NUP98: variants seen among roughly 807,000 people sequenced by gnomAD.
The protein encoded by NUP98 is nuclear pore complex protein Nup98-Nup96.
In NUP98, 26 loss-of-function variants were observed where a neutral mutation model predicts 191.9. The observed-to-expected ratio is 0.14, with a 90% confidence interval of 0.10 to 0.19. NUP98 has a LOEUF of 0.19. NUP98 is among the 10% of genes least tolerant of loss of function. The pLI is 1.00. For synonymous variants in NUP98, 808 were observed against 778.4 expected (o/e 1.04, Z -0.63); for missense variants, 1,941 against 2,178.8 (o/e 0.89, Z 2.17).
At chr11:3,754,128 T>TA (rs941737070) in intron 10 of NUP98, among the ~76,000 whole-genome samples, 2 of 151,828 alleles carry the variant, frequency 1.3e-5, no homozygotes, top group East Asian at 1.9e-4. Context: ...TAACTTGTAC[T>TA]AAAAAAAATG....
In NUP98 at chr11:3,748,200, G is replaced by A. The variant is rs182428556; in HGVS notation, c.1268-3551C>T. On this transcript the variant is annotated intron_variant, in intron 11 of 32. Transcript: ENST00000324932. The stretch of plus-strand genomic sequence containing the variant: ...ATCAGAAAAAGAATTATAGAGTCTT[G>A]GAATATGGGGGAAGACATTGCTAAT... Among the ~76,000 whole-genome samples the A allele has an allele frequency of 2.4e-3, 372 of 152,272 alleles. 1 individual carries two copies. The highest frequency in any genetic ancestry group is 3.2e-3 in the Non-Finnish European group (215 of 68,022).
At chr11:3,699,444 T>C (rs2078611610) in intron 24 of NUP98, 96 bp from the exon 25 acceptor site, 2 of 1,344,526 alleles carry the variant, frequency 1.5e-6, no homozygotes, top group Non-Finnish European at 2.1e-6. Flanking sequence ...AATACATAAA[T>C]TAATAGACAT....
At chr11:3,757,578 C>G (rs1398956044) in intron 10 of NUP98, among the ~76,000 whole-genome samples, 1 of 151,930 alleles carries the variant, frequency 6.6e-6, no homozygotes, top group African/African-American at 2.4e-5. Flanking sequence ...GCTGGCAGAT[C>G]ACCTGAGGTC....
chr11:3,770,547 TTGTGTGTGTG>T (rs34103771), intron 7 of NUP98, among the ~76,000 whole-genome samples: 37 of 147,074 alleles, frequency 2.5e-4, no homozygotes, highest in African/African-American at 5.8e-4. Flanking sequence ...AAATACGTAT[TTGTGTGTGTG>T]TGTGTGTGTG....
At chr11:3,692,551 C>T (rs1420946196) in intron 27 of NUP98, among the ~76,000 whole-genome samples, 9 of 151,546 alleles carry the variant, frequency 5.9e-5, no homozygotes, top group African/African-American at 1.7e-4. Context: ...GCCGAGATCG[C>T]GCTACTGCAC....
intron 11 of NUP98, among the ~76,000 whole-genome samples, chr11:3,750,677 G>A (rs2134424807): frequency 6.6e-6 from 1 of 152,008 alleles, no homozygotes; most frequent in African/African-American, 2.4e-5. Flanking sequence ...ACCCAGGCTG[G>A]AGTGCAGTGG....
At chr11:3,783,777 T>C (rs371465048) in intron 1 of NUP98, among the ~76,000 whole-genome samples, 5 of 152,274 alleles carry the variant, frequency 3.3e-5, no homozygotes, top group South Asian at 4.1e-4. Flanking sequence ...CACCCGGTCA[T>C]TTAAGGAACT....
intron 11 of NUP98, among the ~76,000 whole-genome samples, chr11:3,752,009 C>A (rs1313746997): frequency 4.6e-5 from 7 of 151,352 alleles, no homozygotes; most frequent in Admixed American, 4.0e-4. Context: ...AACCCTGTCT[C>A]TACTAAAAAT....
intron 28 of NUP98, 67 bp from the exon 29 acceptor site, chr11:3,686,261 T>G (rs990752145): frequency 9.7e-5 from 136 of 1,396,638 alleles, no homozygotes; most frequent in Non-Finnish European, 1.3e-4. Context: ...ATGTCAACTG[T>G]TCTGCTTATG....
In NUP98 at chr11:3,699,147, T is replaced by G. The variant is rs1354937049; in HGVS notation, c.3944A>C (p.Glu1315Ala). The G allele has an allele frequency of 6.2e-7, 1 of 1,613,894 alleles. No homozygotes were observed. Among genetic ancestry groups the G allele is most frequent in the Admixed American group, 1.7e-5 (1 of 60,024 alleles). The change falls in exon 25 of 33, where the codon GAG (glutamate) becomes GCG (alanine). Residue 1315 changes from glutamate to alanine, a missense_variant. Physicochemically the swap from Glu to Ala is moderately radical, Grantham distance 107. Transcript: ENST00000324932. ...VSLTQKNSPV[E>A]AVFSYLTGKR... Reference sequence around the variant, plus strand: ...GCCTGTGAGGTAGCTGAATACAGCCTCCACAGGGCTGTTTTTTTGGGTTAA... The same window carrying G: ...GCCTGTGAGGTAGCTGAATACAGCCGCCACAGGGCTGTTTTTTTGGGTTAA...
In NUP98 at chr11:3,793,072, C is replaced by T. The variant is rs552315772; in HGVS notation, c.-29+4328G>A. 1.1e-4 allele frequency among the ~76,000 whole-genome samples: 16 copies of T among 152,228 alleles called. 1 individual carries two copies. In the East Asian group the frequency reaches 2.7e-3, roughly 26 times the overall value. On this transcript the variant is annotated intron_variant, in intron 1 of 32. Transcript: ENST00000324932. The stretch of plus-strand genomic sequence containing the variant: ...GTTGGAGTACGCTGAGATAGCGCCA[C>T]TGCACTCCGACTTGGGCGACAGAGC...
At chr11:3,721,203 G>A (rs905353232) in intron 16 of NUP98, among the ~76,000 whole-genome samples, 8 of 152,074 alleles carry the variant, frequency 5.3e-5, no homozygotes, top group Non-Finnish European at 1.2e-4. Flanking sequence ...TCTGAGAAAA[G>A]CTTAATCAGC....
chr11:3,743,425 T>A (rs1589856646), intron 12 of NUP98, among the ~76,000 whole-genome samples: 4 of 146,168 alleles, frequency 2.7e-5, no homozygotes, highest in Admixed American at 6.8e-5. Context: ...GGCGGGCGGA[T>A]CACGAGGTCA....
At chr11:3,790,401 A>G (rs1346096796) in intron 1 of NUP98, among the ~76,000 whole-genome samples, 1 of 152,234 alleles carries the variant, frequency 6.6e-6, no homozygotes, top group Non-Finnish European at 1.5e-5. Context: ...TCTATGAACC[A>G]ATGTGAAATA....
intron 13 of NUP98, among the ~76,000 whole-genome samples, chr11:3,733,603 T>C (rs1006811736): frequency 5.3e-5 from 8 of 152,222 alleles, no homozygotes; most frequent in African/African-American, 1.9e-4. Context: ...TGAGCCACCA[T>C]GCCCACTGTG....
chr11:3,749,363 G>A (rs1256367744), intron 11 of NUP98, among the ~76,000 whole-genome samples: 2 of 152,042 alleles, frequency 1.3e-5, no homozygotes, highest in Non-Finnish European at 2.9e-5. Context: ...AGAGGCTCAC[G>A]CCTGTAATCC....
intron 1 of NUP98, among the ~76,000 whole-genome samples, chr11:3,791,356 A>C (rs1207940176): frequency 2.7e-5 from 4 of 150,382 alleles, no homozygotes; most frequent in African/African-American, 9.7e-5. Flanking sequence ...AACATGGTGA[A>C]ACCTCATCTC....
At chr11:3,690,110 C>T (rs2078263539) in intron 28 of NUP98, among the ~76,000 whole-genome samples, 1 of 151,582 alleles carries the variant, frequency 6.6e-6, no homozygotes, top group Admixed American at 6.6e-5. Flanking sequence ...TACCACAACA[C>T]CCAGCTAATT....
chr11:3,763,106 T>TA lies in NUP98; in HGVS notation c.949-68dup, dbSNP rs959463566. ...GTTTCCGTAACGAATCTCAGAGTAA[T>TA]AAAAAAAAAGTTACCATTTTTTCAA... On this transcript the variant is annotated intron_variant, in intron 8 of 32. Transcript: ENST00000324932. The TA allele has an allele frequency of 6.9e-4, 1,018 of 1,469,242 alleles. 3 individuals are homozygous for TA. In the African/African-American group the frequency reaches 7.9e-3, roughly 11 times the overall value. The allele number at this position is 1,469,242 out of a possible 1,614,324, so 91.0% of individuals were successfully genotyped here. A position where few individuals can be genotyped will look rare whatever the true frequency, so the allele number is the denominator to read the frequency against.
Sources: allele counts gnomAD v4.1 joint callset (sites outside exome capture counted in the v4.1 genomes callset), GRCh38; gene constraint gnomAD v4.1.1; transcripts MANE v1.5; gene names NCBI Gene and HGNC (gene_info 2026-07-23, HGNC 2026-07-21).